The following LLGL2 variants were observed in gnomAD, a reference collection of about 807,000 sequenced individuals.
LLGL2 encodes LLGL2, scribble cell polarity complex component.
Under a neutral mutation model 123.2 loss-of-function variants are expected in LLGL2, and 81 were observed. That is an observed-to-expected ratio of 0.66 (90% CI 0.55 to 0.79). The LOEUF is 0.79. Among genes scored for constraint, LLGL2 ranks in the 30% least tolerant of loss-of-function variants. The pLI is 0.00. For synonymous variants in LLGL2, 577 were observed against 594.1 expected, an observed-to-expected ratio of 0.97 and a Z score of 0.42; for missense variants, 1,273 against 1,414.6, an observed-to-expected ratio of 0.90 and a Z score of 1.61.
chr17:75,566,308 G>A (rs114487761), intron 10 of LLGL2, among the ~76,000 whole-genome samples: 118 of 152,358 alleles, frequency 7.7e-4, no homozygotes, highest in African/African-American at 2.7e-3. Flanking sequence ...CTCTGCTCCA[G>A]AAGGATCTGT....
At chr17:75,570,898 T>C in intron 16 of LLGL2, 52 bp from the exon 17 acceptor site, 4 of 1,547,124 alleles carry the variant, frequency 2.6e-6, no homozygotes, top group Non-Finnish European at 3.5e-6. Context: ...GAAGCACTGT[T>C]CCTGGGGAGG....
intron 3 of LLGL2, 200 bp from the exon 4 acceptor site, chr17:75,557,955 G>C (rs1025315914): frequency 1.5e-6 from 1 of 680,044 alleles, no homozygotes; most frequent in Admixed American, 2.0e-5. Context: ...CCAGGGATCA[G>C]GTCACTGGCC....
Position 75,573,576 on chromosome 17 carries a change from A to G in LLGL2, c.2821A>G (p.Lys941Glu). ...GTGTCTGGTGGATTCAGCAGAAACC[A>G]AGAACCACCGCCCTGGTAACGGTGC... ...PRCLVDSAET[K>E]NHRPGNGAGP... Residue 941 changes from lysine (K) to glutamate (E), a missense_variant, in exon 21 of 26, where the codon AAG becomes GAG. Physicochemically the swap from Lys to Glu is moderately conservative, Grantham distance 56. Coordinates refer to ENST00000392550, the MANE Select transcript of LLGL2 (RefSeq NM_001031803.2). 6.2e-7 allele frequency: 1 copy of G among 1,612,794 alleles called. No homozygotes were observed. The highest frequency in any genetic ancestry group is 1.1e-5 in the South Asian group (1 of 91,084).
chr17:75,528,264 T>C (rs2053644498), intron 1 of LLGL2, among the ~76,000 whole-genome samples: 1 of 151,930 alleles, frequency 6.6e-6, no homozygotes, highest in Non-Finnish European at 1.5e-5. Context: ...CACAGGCGCC[T>C]GCCATCACGC....
At chr17:75,526,130 G>C (rs1458296844) in intron 1 of LLGL2, among the ~76,000 whole-genome samples, 1 of 152,194 alleles carries the variant, frequency 6.6e-6, no homozygotes, top group African/African-American at 2.4e-5. Context: ...CTGGGTGCGG[G>C]GGGCACCGCG....
At chr17:75,560,832 A>C (rs1204940484) in intron 6 of LLGL2, among the ~76,000 whole-genome samples, 4 of 105,438 alleles carry the variant, frequency 3.8e-5, no homozygotes, top group African/African-American at 1.7e-4. Context: ...AAAAAAAAAA[A>C]CAAAGAAAAA....
chr17:75,550,801 A>AC (rs1471675846), intron 2 of LLGL2, among the ~76,000 whole-genome samples: 3 of 131,018 alleles, frequency 2.3e-5, no homozygotes, highest in Admixed American at 7.3e-5. Flanking sequence ...AAAAAAAAAA[A>AC]AAACACACAC....
intron 2 of LLGL2, among the ~76,000 whole-genome samples, chr17:75,547,130 C>T (rs554033634): frequency 6.6e-6 from 1 of 152,328 alleles, no homozygotes; most frequent in African/African-American, 2.4e-5. Flanking sequence ...TCCTTTATAC[C>T]CACACCAAGC....
At position 75,558,125 on chromosome 17, in the gene LLGL2, C is replaced by G. The variant is rs2055001969; in HGVS notation, c.174-30C>G. The stretch of plus-strand genomic sequence containing the variant: ...AGGCAGGCAGGGGATGGTGTCCGAC[C>G]TTCCAGAGCTTTCCTGAGCCTACTC... On this transcript the variant is annotated intron_variant, in intron 3 of 25. Coordinates refer to ENST00000392550, the MANE Select transcript of LLGL2 (RefSeq NM_001031803.2). This position sits in a 1 kb window ranked among gnomAD's most constrained non-coding sequence, Gnocchi z 4.0. 3.1e-6 allele frequency: 5 copies of G among 1,609,556 alleles called. No individual in the cohort carries two copies. The highest frequency in any genetic ancestry group is 2.6e-6 in the Non-Finnish European group (3 of 1,176,178).
At chr17:75,525,684 C>G (rs1439023825), upstream of LLGL2, 1 of 150,470 alleles carries the variant, frequency 6.6e-6, no homozygotes, top group Non-Finnish European at 1.5e-5. The surrounding 1 kb of genome is among the most constrained non-coding windows in gnomAD (Gnocchi z 4.8). Context: ...CGCGGCTCCG[C>G]CCCAGGCTCG....
At chr17:75,569,645 AT>A (rs1178086750) in intron 14 of LLGL2, among the ~76,000 whole-genome samples, 1 of 152,156 alleles carries the variant, frequency 6.6e-6, no homozygotes, top group Non-Finnish European at 1.5e-5. Flanking sequence ...TCTACTAAAA[AT>A]ATAAAAATTA....
chr17:75,555,160 G>C (rs1050214158), intron 2 of LLGL2, among the ~76,000 whole-genome samples: 2 of 150,100 alleles, frequency 1.3e-5, no homozygotes, highest in African/African-American at 2.5e-5. Context: ...CTGGGCAACA[G>C]AGCGAGATTC....
rs1293187039 is a variant in LLGL2 at position 75,544,492 on chromosome 17, AG to A, written c.75+992del. On this transcript the variant is annotated intron_variant, in intron 2 of 25. Transcript: ENST00000392550. This position sits in a 1 kb window ranked among gnomAD's most constrained non-coding sequence, Gnocchi z 4.2. ...TTTTTGTTATTGATTTGAGAACTGT[AG>A]AAGTCAGCTTGCCCAGGTGCAAACC... Among the ~76,000 whole-genome samples, 1 of 152,262 alleles carries A rather than the reference AG, an allele frequency of 6.6e-6. No homozygotes were observed. Among genetic ancestry groups the A allele is most frequent in the African/African-American group, 2.4e-5 (1 of 41,464 alleles).
Position 75,573,233 on chromosome 17 carries a change from GA to G in LLGL2, c.2681del (p.Asp894AlafsTer19), listed in dbSNP as rs1468742547. On this transcript the variant is annotated frameshift_variant, in exon 20 of 26. Coordinates refer to ENST00000392550, the MANE Select transcript of LLGL2 (RefSeq NM_001031803.2). LOFTEE classifies it high-confidence loss of function. ...GCGCTACAGCTGCATCCGCCGGGAG[GA>G]CGTCAGTGGCATCGCCTCCTGCGTC... ...QVRYSCIRRE[D>X]VSGIASCVFT... The G allele has an allele frequency of 6.2e-7, 1 of 1,609,752 alleles. No homozygotes were observed. Among genetic ancestry groups the G allele is most frequent in the Non-Finnish European group, 8.5e-7 (1 of 1,177,426 alleles).
At chr17:75,560,966 G>C (rs1422573935) in intron 6 of LLGL2, among the ~76,000 whole-genome samples, 1 of 152,048 alleles carries the variant, frequency 6.6e-6, no homozygotes, top group South Asian at 2.1e-4. Context: ...CGAGTAGCTG[G>C]GATTACAGGT....
At chr17:75,573,855 C>T in intron 21 of LLGL2, 97 bp from the exon 22 acceptor site, 2 of 1,427,560 alleles carry the variant, frequency 1.4e-6, no homozygotes, top group Non-Finnish European at 1.9e-6. Context: ...CGGCTCAGGA[C>T]AGGCTGCGCC....
In LLGL2 at chr17:75,531,581, G is replaced by A. The variant is rs116884397; in HGVS notation, c.-31+5756G>A. 8.9e-3 allele frequency among the ~76,000 whole-genome samples: 1,356 copies of A among 152,318 alleles called. 10 individuals are homozygous for A. The highest frequency in any genetic ancestry group is 0.013 in the Non-Finnish European group (868 of 68,034). On this transcript the variant is annotated intron_variant, in intron 1 of 25. Coordinates refer to ENST00000392550, the MANE Select transcript of LLGL2 (RefSeq NM_001031803.2). Reference sequence around the variant, plus strand: ...CAGGGTTCCTCCTGGGGCGAGGCACGCCAGGTCTGCTTGGCAACGCTGTTT... The same window carrying A: ...CAGGGTTCCTCCTGGGGCGAGGCACACCAGGTCTGCTTGGCAACGCTGTTT...
intron 2 of LLGL2, among the ~76,000 whole-genome samples, chr17:75,553,516 GC>G (rs1393654197): frequency 2.6e-5 from 4 of 152,222 alleles, no homozygotes; most frequent in African/African-American, 7.2e-5. Context: ...CTCCTTTTCT[GC>G]TGCTTTGAGG....
rs867554535 is a variant in LLGL2 at position 75,544,189 on chromosome 17, C to T, written c.75+688C>T. On this transcript the variant is annotated intron_variant, in intron 2 of 25. Coordinates refer to ENST00000392550, the MANE Select transcript of LLGL2 (RefSeq NM_001031803.2). The surrounding 1 kb of genome is among the most constrained non-coding windows in gnomAD (Gnocchi z 4.2). Reference sequence around the variant, plus strand: ...GCGTGCAGTGTGGCTCTTCAGCTCCCGGGCCACCAAGCAGTGTGGGGCCTT... The same window carrying T: ...GCGTGCAGTGTGGCTCTTCAGCTCCTGGGCCACCAAGCAGTGTGGGGCCTT... 2.6e-5 allele frequency among the ~76,000 whole-genome samples: 4 copies of T among 152,194 alleles called. No homozygotes were observed. The highest frequency in any genetic ancestry group is 4.4e-5 in the Non-Finnish European group (3 of 68,036).
Sources: gnomAD v4.1 joint callset for allele counts (sites outside exome capture counted in the v4.1 genomes callset) on GRCh38, gnomAD v4.1.1 for gene constraint, Gnocchi (gnomAD v3.1) non-coding constraint, MANE v1.5 for transcripts, NCBI Gene and HGNC (gene_info 2026-07-23, HGNC 2026-07-21) for gene names.